CTU2: variants seen among roughly 807,000 people sequenced by gnomAD.
CTU2 encodes the protein cytosolic thiouridylase subunit 2.
In CTU2, 80 loss-of-function variants were observed where a neutral mutation model predicts 64.1. The ratio of observed to expected loss-of-function variants is 1.25; its 90% CI spans 1.04 to 1.50. CTU2 has a LOEUF of 1.50. CTU2 is among the 40% of genes most tolerant of loss of function. The pLI, the probability that CTU2 is intolerant of heterozygous loss-of-function variation, is 0.00. For synonymous variants in CTU2, 482 were observed against 285.3 expected (o/e 1.69, Z -6.95); for missense variants, 1,110 against 690.2 (o/e 1.61, Z -6.81).
intron 3 of CTU2, 65 bp from the exon 4 acceptor site, chr16:88,710,158 C>G: frequency 6.3e-7 from 1 of 1,595,426 alleles, no homozygotes; most frequent in African/African-American, 1.3e-5. Context: ...CCTAGATGTC[C>G]ACGAGGTGGG....
rs372591571 is a variant in CTU2, at chr16:88,714,856, G to A, written c.1353-4G>A. 54 of 1,612,440 alleles carry A rather than the reference G, an allele frequency of 3.3e-5. No individual in the cohort carries two copies. The highest frequency in any genetic ancestry group is 1.1e-4 in the South Asian group (10 of 91,092). On this transcript the variant is annotated splice_region_variant and splice_polypyrimidine_tract_variant and intron_variant, in intron 12 of 14. Transcript: ENST00000453996. Reference sequence around the variant, plus strand: ...TGGGCACACAGCCAGCTCTGCTCCCGCAGGGAGGACCCCCAAGCCTGCATT... The same window carrying A: ...TGGGCACACAGCCAGCTCTGCTCCCACAGGGAGGACCCCCAAGCCTGCATT...
intron 2 of CTU2, among the ~76,000 whole-genome samples, chr16:88,707,833 C>T (rs972171773): frequency 2.0e-5 from 3 of 151,392 alleles, no homozygotes; most frequent in South Asian, 2.1e-4. Context: ...GATGGAGTCT[C>T]CCTCTGTCAC....
chr16:88,711,885 C>G (rs1054752775), intron 5 of CTU2, among the ~76,000 whole-genome samples, 190 bp downstream of exon 5: 2 of 152,166 alleles, frequency 1.3e-5, no homozygotes, highest in Non-Finnish European at 2.9e-5. Context: ...ATGTATCCAT[C>G]GTTAGGTGGC....
In CTU2 at chr16:88,715,172, TTCTC is replaced by T. The variant is rs1324280173; in HGVS notation, c.1479-6_1479-3del. On this transcript the variant is annotated splice_polypyrimidine_tract_variant and splice_region_variant and intron_variant, in intron 14 of 14. Transcript: ENST00000453996. ...CTCGGGGCTGGTGCCCACTGCAGCTTTCTCTCTAGGGCCTGGGGCTTGCAGGAGA... is the reference window on the plus strand; with the variant it reads ...CTCGGGGCTGGTGCCCACTGCAGCTTTCTAGGGCCTGGGGCTTGCAGGAGA... The T allele has an allele frequency of 6.2e-7, 1 of 1,611,260 alleles. No individual in the cohort carries two copies. The highest frequency in any genetic ancestry group is 2.2e-5 in the East Asian group (1 of 44,892).
rs1567648990 is a variant in CTU2 at position 88,712,421 on chromosome 16, AC to A, written c.453+42del. On this transcript the variant is annotated intron_variant, in intron 6 of 14. Transcript: ENST00000453996. ...TCCCTGGAAAGGGGTCCCGGAGGTG[AC>A]CCCTGGGGGGCACCTGCCCGTGTCC... 3.3e-6 allele frequency: 5 copies of A among 1,504,596 alleles called. No individual in the cohort carries two copies. The South Asian group carries it at 6.3e-5, about 19-fold the overall frequency. The allele number at this position is 1,504,596 out of a possible 1,614,324, so 93.2% of individuals were successfully genotyped here. A position where few individuals can be genotyped will look rare whatever the true frequency, so the allele number is the denominator to read the frequency against.
In CTU2 at chr16:88,715,097, G is replaced by A. The variant is rs371995838; in HGVS notation, c.1469G>A (p.Arg490His). 15 of 1,584,422 alleles carry A rather than the reference G, an allele frequency of 9.5e-6. No individual in the cohort carries two copies. Among genetic ancestry groups the A allele is most frequent in the East Asian group, 2.2e-5 (1 of 44,600 alleles). The change falls in exon 14 of 15, where the codon CGC becomes CAC. Residue 490 changes from arginine (R) to histidine (H), a missense_variant. Arg to His is a conservative substitution (Grantham distance 29, BLOSUM62 0). Transcript: ENST00000453996. The stretch of plus-strand genomic sequence containing the variant: ...TACATCCTGGCTGAGGCCCAGCTCC[G>A]CACACAGAGGTACTGGGGCCCACAC... ...PPYILAEAQL[R>H]TQRAWGLQEI...
intron 6 of CTU2, 85 bp downstream of exon 6, chr16:88,712,468 T>C (rs1199392089): frequency 2.8e-6 from 4 of 1,428,694 alleles, no homozygotes; most frequent in African/African-American, 1.4e-5. Context: ...GGCCTCTCCC[T>C]CATCCCAGAA....
chr16:88,706,714 G>A, intron 1 of CTU2, 116 bp downstream of exon 1: 2 of 720,586 alleles, frequency 2.8e-6, no homozygotes, highest in Admixed American at 4.0e-5. Context: ...GCGGGACCTC[G>A]CTCCCTAGCA....
Position 88,712,320 on chromosome 16 carries a change from G to A in CTU2, c.390G>A (p.Leu130=), listed in dbSNP as rs1399927985. Residue 130 remains leucine, a synonymous_variant, in exon 6 of 15, where the codon CTG becomes CTA. Coordinates refer to ENST00000453996, the MANE Select transcript of CTU2 (RefSeq NM_001012759.3). ...GQSLEERSKT[L]AEVKPILQAT... ...GCCTAGAGGAGAGATCAAAGACCCT[G>A]GCCGAAGTGAAGCCCATTCTGCAAG... 3 of 1,610,210 alleles carry A rather than the reference G, an allele frequency of 1.9e-6. No homozygotes were observed. Among genetic ancestry groups the A allele is most frequent in the African/African-American group, 2.7e-5 (2 of 74,862 alleles).
rs749292501 is a variant in CTU2 at position 88,709,888 on chromosome 16, C to T, written c.144-50C>T. 1.1e-5 allele frequency: 17 copies of T among 1,529,298 alleles called. No homozygotes were observed. In the African/African-American group the frequency reaches 1.9e-4, roughly 17 times the overall value. 94.7% of individuals were successfully genotyped at this position (1,529,298 alleles called of 1,614,324 possible). A position where few individuals can be genotyped will look rare whatever the true frequency, so the allele number is the denominator to read the frequency against. On this transcript the variant is annotated intron_variant, in intron 2 of 14. Transcript: ENST00000453996. ...CACCTGGCAGCGCCTCAGGACGCTG[C>T]TCACTGTGCGGGTAGCAGGCGGTTC...
intron 2 of CTU2, among the ~76,000 whole-genome samples, chr16:88,707,584 A>C (rs981235158): frequency 1.3e-5 from 2 of 152,020 alleles, no homozygotes; most frequent in East Asian, 3.9e-4. Flanking sequence ...GTCTGGGTGA[A>C]AGTTTTTAAT....
At position 88,713,453 on chromosome 16, in the gene CTU2, C is replaced by G. The variant is rs1597431441; in HGVS notation, c.873+6C>G. On this transcript the variant is annotated splice_donor_region_variant and intron_variant, in intron 8 of 14. Coordinates refer to ENST00000453996, the MANE Select transcript of CTU2 (RefSeq NM_001012759.3). Reference sequence around the variant, plus strand: ...CCTTCCTGGCCTGGGATACGGTAGGCAGGGGCCTGGGTGTTCAGGAGGCCC... The same window carrying G: ...CCTTCCTGGCCTGGGATACGGTAGGGAGGGGCCTGGGTGTTCAGGAGGCCC... 3.8e-6 allele frequency: 6 copies of G among 1,573,880 alleles called. No homozygotes were observed. In the East Asian group the frequency reaches 1.4e-4, roughly 36 times the overall value.
chr16:88,714,481 C>T lies in CTU2; in HGVS notation c.1196C>T (p.Ala399Val), dbSNP rs753542455. The T allele has an allele frequency of 1.9e-6, 3 of 1,612,528 alleles. No homozygotes were observed. Among genetic ancestry groups the T allele is most frequent in the African/African-American group, 2.7e-5 (2 of 74,926 alleles). The change falls in exon 11 of 15, where the codon GCC (alanine) becomes GTC (valine). Residue 399 changes from alanine to valine, a missense_variant. By Grantham distance (64) the Ala-to-Val change is moderately conservative. Transcript: ENST00000453996. The part of the protein sequence containing the change: ...LLCMCALDVD[A>V]ADSATAFGAQ... ...TGCATGTGTGCCCTGGACGTCGACG[C>T]CGCTGGTCTGTGTTTCATGCTCTTG...
intron 13 of CTU2, 35 bp from the exon 14 acceptor site, chr16:88,715,013 G>T (rs1911826933): frequency 5.0e-6 from 8 of 1,584,522 alleles, no homozygotes; most frequent in Non-Finnish European, 6.9e-6. Context: ...GTGCTGGCAG[G>T]TTTCTTGGCC....
intron 2 of CTU2, 37 bp downstream of exon 2, chr16:88,707,247 G>T: frequency 1.3e-6 from 2 of 1,589,314 alleles, no homozygotes; most frequent in Non-Finnish European, 1.7e-6. Flanking sequence ...TGGCAAACAT[G>T]GCCTCGCTAG....
Position 88,710,241 on chromosome 16 carries a change from G to T in CTU2, c.241G>T (p.Gly81Trp). 1.9e-6 allele frequency: 3 copies of T among 1,614,030 alleles called. No individual in the cohort carries two copies. The highest frequency in any genetic ancestry group is 2.5e-6 in the Non-Finnish European group (3 of 1,179,976). The change falls in exon 4 of 15, where the codon GGG becomes TGG. Residue 81 changes from glycine (G) to tryptophan (W), a missense_variant. Transcript: ENST00000453996. ...PGEKVLLAWS[G>W]GPSSSSMVWQ... ...CCCCCAGGTGCTCTTGGCGTGGTCT[G>T]GGGGGCCTTCGTCCAGCTCCATGGT...
chr16:88,708,983 C>T (rs903986340), intron 2 of CTU2: 1 of 152,128 alleles, frequency 6.6e-6, no homozygotes, highest in Non-Finnish European at 1.5e-5. Flanking sequence ...TTATTATGAA[C>T]AAAGATTACA....
intron 1 of CTU2, 27 bp from the exon 2 acceptor site, chr16:88,707,109 C>T (rs760806383): frequency 5.0e-6 from 8 of 1,610,122 alleles, no homozygotes; most frequent in East Asian, 2.2e-5. Flanking sequence ...CTGTGTTTCT[C>T]TCTTCTCCCC....
rs753902870 is a variant in CTU2, at chr16:88,714,748, G to A, written c.1352+11G>A. On this transcript the variant is annotated intron_variant, in intron 12 of 14. Coordinates refer to ENST00000453996, the MANE Select transcript of CTU2 (RefSeq NM_001012759.3). The stretch of plus-strand genomic sequence containing the variant: ...GGGGGCCTGCAGGAGGTGAGTCCCT[G>A]TCCCTGCCACCCATGGCCAGCTGCA... 5.0e-6 allele frequency: 8 copies of A among 1,605,926 alleles called. No individual in the cohort carries two copies. In the South Asian group the frequency reaches 6.6e-5, roughly 13 times the overall value.
Sources: gnomAD v4.1 joint callset for allele counts (sites outside exome capture counted in the v4.1 genomes callset) on GRCh38, gnomAD v4.1.1 for gene constraint, MANE v1.5 for transcripts, NCBI Gene and HGNC (gene_info 2026-07-23, HGNC 2026-07-21) for gene names.